ATP1B3: variants seen among roughly 807,000 people sequenced by gnomAD.
The protein encoded by ATP1B3 is sodium/potassium-transporting ATPase subunit beta-3.
ATP1B3 carries 10 observed loss-of-function variants against 30.2 expected under a neutral mutation model. The observed-to-expected ratio is 0.33, with a 90% CI of 0.20 to 0.56. The LOEUF (loss-of-function observed/expected upper bound fraction) is 0.56, where lower values mean the gene tolerates loss of function less well. Ranked by LOEUF, ATP1B3 falls within the 20% of genes least tolerant of loss-of-function variation. The probability of loss-of-function intolerance (pLI) is 0.90; values close to 1 mark genes in which losing one functional copy is unlikely to be tolerated. For missense variants in ATP1B3, 238 were observed against 336.7 expected, an observed-to-expected ratio of 0.71 and a Z score of 2.29; for synonymous variants, 113 against 117.0, an observed-to-expected ratio of 0.97 and a Z score of 0.22.
intron 2 of ATP1B3, among the ~76,000 whole-genome samples, chr3:141,904,481 T>A (rs960336508): frequency 1.3e-5 from 2 of 152,060 alleles, no homozygotes; most frequent in African/African-American, 4.8e-5. Context: ...TTTGGACTTA[T>A]AAAATACATA....
At chr3:141,903,866 C>T (rs1287215728) in intron 2 of ATP1B3, 118 bp downstream of exon 2, 2 of 1,221,872 alleles carry the variant, frequency 1.6e-6, no homozygotes, top group African/African-American at 1.5e-5. Flanking sequence ...ACTGCAACCT[C>T]TGCCTCCCAG....
At chr3:141,891,496 A>G (rs889342854) in intron 1 of ATP1B3, among the ~76,000 whole-genome samples, 4 of 152,156 alleles carry the variant, frequency 2.6e-5, no homozygotes, top group Non-Finnish European at 5.9e-5. Flanking sequence ...ATTTTCCTAA[A>G]AAATTTTATA....
At chr3:141,899,094 G>A (rs1319351379) in intron 1 of ATP1B3, among the ~76,000 whole-genome samples, 5 of 152,126 alleles carry the variant, frequency 3.3e-5, no homozygotes, top group African/African-American at 9.7e-5. Flanking sequence ...AGAGGAATGG[G>A]AATGGGTATG....
chr3:141,877,050 G>T (rs1231732860), intron 1 of ATP1B3, 140 bp downstream of exon 1: 6 of 496,962 alleles, frequency 1.2e-5, no homozygotes, highest in African/African-American at 2.1e-5. Flanking sequence ...GGCGGCGGCG[G>T]CGCAGTGCGG....
At chr3:141,877,671 T>C (rs998042549) in intron 1 of ATP1B3, 13 of 151,732 alleles carry the variant, frequency 8.6e-5, no homozygotes, top group South Asian at 2.1e-4. Flanking sequence ...TTTTTTTTTT[T>C]CCCGTGTCTT....
chr3:141,899,455 G>A (rs754978274), intron 1 of ATP1B3, among the ~76,000 whole-genome samples: 11 of 152,192 alleles, frequency 7.2e-5, no homozygotes, highest in Non-Finnish European at 1.6e-4. Context: ...TAGAAAGTGT[G>A]CAGAGGTTGA....
At chr3:141,894,274 T>C (rs79100302) in intron 1 of ATP1B3, among the ~76,000 whole-genome samples, 7,450 of 152,168 alleles carry the variant, frequency 0.049, 609 homozygotes, top group African/African-American at 0.17. Context: ...ACTAAATTTA[T>C]TAAAATTTTT....
chr3:141,877,059 G>T, intron 1 of ATP1B3, 149 bp downstream of exon 1: 1 of 437,554 alleles, frequency 2.3e-6, no homozygotes, highest in Admixed American at 4.8e-5. Context: ...GGCGCAGTGC[G>T]GCCCCATTCA....
chr3:141,902,297 T>C, intron 1 of ATP1B3: 1 of 1,137,906 alleles, frequency 8.8e-7, no homozygotes, highest in Non-Finnish European at 1.2e-6. Context: ...ATTTCCCCTT[T>C]ACTTGAAAAA....
Position 141,903,648 on chromosome 3 carries a change from T to G in ATP1B3, c.138T>G (p.Phe46Leu), listed in dbSNP as rs774502327. Reference protein sequence around the residue: ...WGLILLFYLVFYGFLAALFSF... With the variant: ...WGLILLFYLVLYGFLAALFSF... The stretch of plus-strand genomic sequence containing the variant: ...TGATCTTGCTCTTCTACCTAGTTTT[T>G]TATGGGTTCCTGGCTGCACTCTTCT... The change falls in exon 2 of 7, where the codon TTT (phenylalanine) becomes TTG (leucine). Residue 46 changes from phenylalanine to leucine, a missense_variant. Transcript: ENST00000286371. 6.2e-6 allele frequency: 10 copies of G among 1,614,120 alleles called. No homozygotes were observed. Among genetic ancestry groups the G allele is most frequent in the Non-Finnish European group, 6.8e-6 (8 of 1,179,958 alleles).
At chr3:141,909,159 C>A (rs13086153) in intron 3 of ATP1B3, among the ~76,000 whole-genome samples, 16,047 of 152,176 alleles carry the variant, frequency 0.11, 1,185 homozygotes, top group East Asian at 0.37. Flanking sequence ...GTCTCTTTTC[C>A]TTGACAGTTA....
In ATP1B3 at chr3:141,916,319, C is replaced by T; in HGVS notation, c.582+299C>T. On this transcript the variant is annotated intron_variant, in intron 5 of 6. Coordinates refer to ENST00000286371, the MANE Select transcript of ATP1B3 (RefSeq NM_001679.4). ...TCAGTAACACTGAAATTGGGATTAC[C>T]CTTGTAATTGATGGTGTCTTAATAC... is the stretch of plus-strand genomic sequence containing the variant. The T allele has an allele frequency of 3.3e-5, 16 of 481,864 alleles. No homozygotes were observed. In the Middle Eastern group the frequency reaches 4.3e-3, roughly 130 times the overall value. The allele number at this position is 481,864 out of a possible 1,614,324, so 29.8% of individuals were successfully genotyped here.
chr3:141,907,218 G>A lies in ATP1B3; in HGVS notation c.290G>A (p.Arg97Lys), dbSNP rs775513549. Residue 97 changes from arginine to lysine, a missense_variant, in exon 3 of 7, where the codon AGG (arginine) becomes AAG (lysine). Physicochemically the swap from Arg to Lys is conservative, Grantham distance 26. Coordinates refer to ENST00000286371, the MANE Select transcript of ATP1B3 (RefSeq NM_001679.4). The part of the protein sequence containing the change: ...PVTALEYTFS[R>K]SDPTSYAGYI... ...ACCGCATTGGAATATACATTCAGTA[G>A]GTCTGATCCAACTTCGTATGCAGGG... is the stretch of plus-strand genomic sequence containing the variant. The A allele has an allele frequency of 6.2e-7, 1 of 1,612,752 alleles. No homozygotes were observed. Among genetic ancestry groups the A allele is most frequent in the Non-Finnish European group, 8.5e-7 (1 of 1,179,482 alleles).
chr3:141,923,808 T>G (rs10804680), intron 6 of ATP1B3, among the ~76,000 whole-genome samples: 61,309 of 152,076 alleles, frequency 0.4, 12,713 homozygotes, highest in East Asian at 0.66. Flanking sequence ...TTTTATGGCT[T>G]ATTTTATGTT....
chr3:141,897,706 T>G (rs13069329), intron 1 of ATP1B3, among the ~76,000 whole-genome samples: 2 of 152,078 alleles, frequency 1.3e-5, no homozygotes, highest in Non-Finnish European at 2.9e-5. Flanking sequence ...CGGGTTTTTG[T>G]TTTTGTTTTT....
chr3:141,908,089 T>TTA (rs1553744971), intron 3 of ATP1B3, among the ~76,000 whole-genome samples: 176 of 130,556 alleles, frequency 1.3e-3, no homozygotes, highest in Non-Finnish European at 2.3e-3. Flanking sequence ...TTTTTTTTTT[T>TTA]ATTATACTTT....
At chr3:141,898,236 C>G (rs1360383692) in intron 1 of ATP1B3, among the ~76,000 whole-genome samples, 2 of 151,950 alleles carry the variant, frequency 1.3e-5, no homozygotes, top group East Asian at 3.8e-4. Context: ...CACAAGCAAC[C>G]AAAGAAAAAA....
At chr3:141,904,339 T>C (rs1384588411) in intron 2 of ATP1B3, among the ~76,000 whole-genome samples, 1 of 151,888 alleles carries the variant, frequency 6.6e-6, no homozygotes, top group Non-Finnish European at 1.5e-5. Flanking sequence ...CAAATGAATA[T>C]TGAGAATTCT....
chr3:141,890,018 A>G (rs1237170281), intron 1 of ATP1B3, among the ~76,000 whole-genome samples: 1 of 147,064 alleles, frequency 6.8e-6, no homozygotes, highest in Non-Finnish European at 1.5e-5. Context: ...TTAATTTGTA[A>G]TTTCTTCAAT....
Sources: allele counts gnomAD v4.1 joint callset (sites outside exome capture counted in the v4.1 genomes callset), GRCh38; gene constraint gnomAD v4.1.1; transcripts MANE v1.5; gene names NCBI Gene and HGNC (gene_info 2026-07-23, HGNC 2026-07-21).